TNRC6B: variants seen among roughly 807,000 people sequenced by gnomAD.
TNRC6B encodes trinucleotide repeat-containing gene 6B protein.
TNRC6B carries 52 observed loss-of-function variants against 203.6 expected under a neutral mutation model. The observed-to-expected ratio is 0.26, with a 90% confidence interval of 0.20 to 0.32. The LOEUF (loss-of-function observed/expected upper bound fraction) is 0.32. TNRC6B is among the 10% of genes least tolerant of loss of function. The probability of loss-of-function intolerance (pLI) is 1.00; values close to 1 mark genes in which losing one functional copy is unlikely to be tolerated. For missense variants in TNRC6B, 1,923 were observed against 2,286.2 expected (o/e 0.84, Z 3.24); for synonymous variants, 838 against 845.7 (o/e 0.99, Z 0.16).
chr22:40,142,301 A>T (rs1235912322), intron 3 of TNRC6B, among the ~76,000 whole-genome samples: 1 of 150,342 alleles, frequency 6.7e-6, no homozygotes, highest in African/African-American at 2.5e-5. Context: ...GCCTCAAGTG[A>T]TCTTCATACC....
chr22:40,138,068 TAGG>T (rs1210517304), intron 3 of TNRC6B, among the ~76,000 whole-genome samples: 1 of 151,366 alleles, frequency 6.6e-6, no homozygotes, highest in East Asian at 1.9e-4. Flanking sequence ...GGAAACCAGT[TAGG>T]AGAGTTAGGA....
At chr22:40,136,766 A>T (rs2068603495) in intron 3 of TNRC6B, among the ~76,000 whole-genome samples, 1 of 152,102 alleles carries the variant, frequency 6.6e-6, no homozygotes, top group African/African-American at 2.4e-5. Context: ...TTTCAAATTT[A>T]TAGCTATATA....
In TNRC6B at chr22:40,281,209, C is replaced by G; in HGVS notation, c.3502C>G (p.Pro1168Ala). Residue 1168 changes from proline to alanine, a missense_variant, in exon 11 of 23, where the codon CCC becomes GCC. This residue lies in a region of TNRC6B where 599 missense variants were observed against 656.5 expected (regional missense o/e 0.91). Coordinates refer to ENST00000454349, the MANE Select transcript of TNRC6B (RefSeq NM_001162501.2). ...CCCTTCTCCCAGCTACAAGCTGTCT[C>G]CCTCTGGTTCCACACTACCCAACGT... ...FSPSPSYKLS[P>A]SGSTLPNVSL... is the part of the protein sequence containing the mutation. 1 of 1,551,646 alleles carries G rather than the reference C, an allele frequency of 6.4e-7. No homozygotes were observed. The highest frequency in any genetic ancestry group is 2.4e-5 in the East Asian group (1 of 40,912).
intron 4 of TNRC6B, among the ~76,000 whole-genome samples, chr22:40,262,773 C>T (rs2146495212): frequency 6.6e-6 from 1 of 152,286 alleles, no homozygotes; most frequent in South Asian, 2.1e-4. Flanking sequence ...GGCACGGTGG[C>T]TCACGCCTGT....
chr22:40,165,244 A>G (rs1485638757), intron 4 of TNRC6B, among the ~76,000 whole-genome samples: 1 of 151,910 alleles, frequency 6.6e-6, no homozygotes, highest in Non-Finnish European at 1.5e-5. Flanking sequence ...TGGCATGGTC[A>G]TGGCTTATTG....
intron 3 of TNRC6B, among the ~76,000 whole-genome samples, chr22:40,254,167 A>G (rs1257150426): frequency 1.3e-5 from 2 of 152,204 alleles, no homozygotes; most frequent in Non-Finnish European, 2.9e-5. Flanking sequence ...GTATCAAATA[A>G]TAGAAAGCAC....
intron 1 of TNRC6B, among the ~76,000 whole-genome samples, chr22:40,206,578 G>C (rs2069481047): frequency 2.0e-5 from 3 of 152,070 alleles, no homozygotes; most frequent in African/African-American, 7.2e-5. Flanking sequence ...TCTGAAACTT[G>C]ATAAGATGAT....
intron 1 of TNRC6B, among the ~76,000 whole-genome samples, chr22:40,185,079 C>T (rs542310098): frequency 6.6e-6 from 1 of 152,188 alleles, no homozygotes; most frequent in Non-Finnish European, 1.5e-5. Flanking sequence ...AAACCTCTGC[C>T]TCCCGGGTTC....
chr22:40,203,355 T>G (rs1001705093), intron 1 of TNRC6B, among the ~76,000 whole-genome samples: 11 of 152,072 alleles, frequency 7.2e-5, no homozygotes, highest in Non-Finnish European at 1.5e-4. Flanking sequence ...TTCCATCATT[T>G]CATGTCCTGC....
chr22:40,132,969 A>AAAAAAAAAAAAAAATATATATAT (rs1282694632), intron 3 of TNRC6B, among the ~76,000 whole-genome samples: 1 of 78,174 alleles, frequency 1.3e-5, no homozygotes. Context: ...AAAAAAAAAA[A>AAAAAAAAAAAAAAATATATATAT]ATATATATAT....
chr22:40,068,583 G>T (rs922482759), intron 1 of TNRC6B, among the ~76,000 whole-genome samples: 4 of 151,910 alleles, frequency 2.6e-5, no homozygotes, highest in Non-Finnish European at 5.9e-5. Flanking sequence ...CTCCTGAAGT[G>T]CTGGGATTAC....
intron 3 of TNRC6B, among the ~76,000 whole-genome samples, chr22:40,126,580 ATT>A (rs955369459): frequency 3.4e-5 from 3 of 88,784 alleles, no homozygotes; most frequent in African/African-American, 9.8e-5. Context: ...ACGTTATTTA[ATT>A]TTTTTTTTTT....
At chr22:40,099,693 T>C (rs2068217425) in intron 1 of TNRC6B, among the ~76,000 whole-genome samples, 1 of 152,226 alleles carries the variant, frequency 6.6e-6, no homozygotes, top group Admixed American at 6.5e-5. Flanking sequence ...GATGTGTACC[T>C]AAGGAGGGGG....
chr22:40,133,716 C>T (rs2068572622), intron 3 of TNRC6B, among the ~76,000 whole-genome samples: 1 of 152,042 alleles, frequency 6.6e-6, no homozygotes, highest in African/African-American at 2.4e-5. Context: ...TGCCTGTAAT[C>T]CCAGCACTTT....
chr22:40,085,241 T>C (rs1252917595), intron 1 of TNRC6B, among the ~76,000 whole-genome samples: 1 of 152,170 alleles, frequency 6.6e-6, no homozygotes, highest in African/African-American at 2.4e-5. Flanking sequence ...TTCATAAATA[T>C]CCTGTGCGTC....
In TNRC6B at chr22:40,334,012, C is replaced by A. The variant is rs2044008843; in HGVS notation, c.*10771C>A. The A allele has an allele frequency of 6.6e-6, 1 of 152,658 alleles. No individual in the cohort carries two copies. Among genetic ancestry groups the A allele is most frequent in the Non-Finnish European group, 1.5e-5 (1 of 68,046 alleles). The allele number at this position is 152,658 out of a possible 1,614,324, so 9.5% of individuals were successfully genotyped here. ...GAAGGAAGAAGCTTGATTATAAGTG[C>A]ATGCATATTATCCACCCACCTTCTG... On this transcript the variant is annotated 3_prime_UTR_variant, in exon 23 of 23. Transcript: ENST00000454349.
chr22:40,256,850 C>G (rs1166635945), intron 3 of TNRC6B, among the ~76,000 whole-genome samples: 1 of 152,140 alleles, frequency 6.6e-6, no homozygotes, highest in African/African-American at 2.4e-5. Flanking sequence ...CGAGTGGTGT[C>G]AGAAGCTGCA....
Position 40,285,787 on chromosome 22 carries a change from T to C in TNRC6B, c.3708+17T>C. The C allele has an allele frequency of 1.2e-6, 2 of 1,610,912 alleles. No homozygotes were observed. Among genetic ancestry groups the C allele is most frequent in the Non-Finnish European group, 8.5e-7 (1 of 1,178,938 alleles). On this transcript the variant is annotated intron_variant, in intron 12 of 22. Coordinates refer to ENST00000454349, the MANE Select transcript of TNRC6B (RefSeq NM_001162501.2). Reference sequence around the variant, plus strand: ...TCCCCCCAGGTAAGCAATTTTACGTTCCTGTGATTCAAAATGAAAGACCAT... The same window carrying C: ...TCCCCCCAGGTAAGCAATTTTACGTCCCTGTGATTCAAAATGAAAGACCAT...
chr22:40,202,416 T>C (rs1353285593), intron 1 of TNRC6B, among the ~76,000 whole-genome samples: 2 of 152,114 alleles, frequency 1.3e-5, no homozygotes, highest in East Asian at 3.8e-4. Context: ...ATTGTGGTTT[T>C]CTGCAGTCAG....
Sources: gnomAD v4.1 joint callset for allele counts (sites outside exome capture counted in the v4.1 genomes callset) on GRCh38, gnomAD v4.1.1 for gene constraint, gnomAD v4.1.1 regional missense constraint, MANE v1.5 for transcripts, NCBI Gene and HGNC (gene_info 2026-07-23, HGNC 2026-07-21) for gene names.